ADGRL3: variants seen among roughly 807,000 people sequenced by gnomAD.
ADGRL3 encodes the protein adhesion G protein-coupled receptor L3, also known as calcium-independent alpha-latrotoxin receptor 3.
In ADGRL3, 62 loss-of-function variants were observed where a neutral mutation model predicts 153.5. The observed-to-expected ratio is 0.40, with a 90% CI of 0.33 to 0.50. The LOEUF (loss-of-function observed/expected upper bound fraction) is 0.50. Among genes scored for constraint, ADGRL3 ranks in the 20% least tolerant of loss-of-function variants. The probability of loss-of-function intolerance (pLI) is 0.47; values close to 1 mark genes in which losing one functional copy is unlikely to be tolerated. For missense variants in ADGRL3, 1,641 were observed against 1,859.4 expected (o/e 0.88, Z 2.16); for synonymous variants, 710 against 672.5 (o/e 1.06, Z -0.86).
intron 6 of ADGRL3, 141 bp downstream of exon 6, chr4:61,677,076 T>C (rs2095218670): frequency 1.6e-6 from 1 of 614,136 alleles, no homozygotes; most frequent in Non-Finnish European, 2.9e-6. Flanking sequence ...TTGAGAATCA[T>C]AGACCCTCCC....
chr4:61,214,086 T>A (rs975103039), intron 1 of ADGRL3, among the ~76,000 whole-genome samples: 1 of 152,178 alleles, frequency 6.6e-6, no homozygotes, highest in Admixed American at 6.5e-5. Context: ...ATATGTATAG[T>A]AACTTTTACT....
chr4:61,884,492 T>G (rs548664758), intron 9 of ADGRL3, among the ~76,000 whole-genome samples: 3 of 152,144 alleles, frequency 2.0e-5, no homozygotes, highest in Non-Finnish European at 4.4e-5. Context: ...GAATCAACAG[T>G]TTTTTCCTTA....
At chr4:61,269,791 A>G (rs914792193) in intron 1 of ADGRL3, among the ~76,000 whole-genome samples, 3 of 151,758 alleles carry the variant, frequency 2.0e-5, no homozygotes, top group Non-Finnish European at 4.4e-5. Flanking sequence ...TTAATCTGCT[A>G]GATGATTTAT....
At chr4:62,054,890 T>C (rs1032179318) in intron 25 of ADGRL3, among the ~76,000 whole-genome samples, 1 of 151,600 alleles carries the variant, frequency 6.6e-6, no homozygotes, top group African/African-American at 2.4e-5. Context: ...TTTATAGTAA[T>C]AAGAAATGCA....
intron 24 of ADGRL3, among the ~76,000 whole-genome samples, chr4:62,040,134 G>A (rs953694428): frequency 9.9e-5 from 15 of 151,976 alleles, no homozygotes; most frequent in Admixed American, 3.3e-4. Flanking sequence ...CTGTAAAATG[G>A]TGATAATAAA....
rs373599036 is a variant in ADGRL3 at position 61,656,903 on chromosome 4, T to TA, written c.474-19920dup. Among the ~76,000 whole-genome samples, 4 of 152,326 alleles carry TA rather than the reference T, an allele frequency of 2.6e-5. 1 individual carries two copies. The highest frequency in any genetic ancestry group is 9.6e-5 in the African/African-American group (4 of 41,580). ...CTCTGTTGCTATTTTCTCTCTCTGT[T>TA]AAACTTCTGCTGCATTTCTAAGCTG... On this transcript the variant is annotated intron_variant, in intron 5 of 26. Coordinates refer to ENST00000683033, the MANE Select transcript of ADGRL3 (RefSeq NM_001387552.1).
chr4:62,000,082 A>G (rs1262951733), intron 21 of ADGRL3, among the ~76,000 whole-genome samples: 1 of 151,916 alleles, frequency 6.6e-6, no homozygotes, highest in African/African-American at 2.4e-5. Flanking sequence ...AGCACAAATT[A>G]CATCTTTGTA....
intron 1 of ADGRL3, among the ~76,000 whole-genome samples, chr4:61,347,041 T>G (rs2095930407): frequency 6.6e-6 from 1 of 152,096 alleles, no homozygotes; most frequent in Non-Finnish European, 1.5e-5. Context: ...GTCTGTGCTC[T>G]CACTATTAGA....
At chr4:62,070,055 G>T in intron 26 of ADGRL3, 54 bp from the exon 27 acceptor site, 1 of 1,417,112 alleles carries the variant, frequency 7.1e-7, no homozygotes, top group Non-Finnish European at 9.8e-7. Context: ...GTTTGTGTGT[G>T]TGTTCTATGG....
intron 5 of ADGRL3, among the ~76,000 whole-genome samples, chr4:61,610,733 T>G (rs906341399): frequency 1.3e-5 from 2 of 152,102 alleles, no homozygotes; most frequent in Non-Finnish European, 2.9e-5. Context: ...GGTGGACAGA[T>G]AAAAGAAAAG....
At chr4:61,918,791 A>G (rs1417734403) in intron 13 of ADGRL3, among the ~76,000 whole-genome samples, 5 of 152,230 alleles carry the variant, frequency 3.3e-5, no homozygotes, top group Non-Finnish European at 5.9e-5. Context: ...ACATTATTAC[A>G]TGCAATATCT....
At chr4:61,906,152 GTGTT>G (rs2098694645) in intron 11 of ADGRL3, among the ~76,000 whole-genome samples, 1 of 151,656 alleles carries the variant, frequency 6.6e-6, no homozygotes, top group African/African-American at 2.4e-5. Flanking sequence ...CTTATGTAGT[GTGTT>G]TGTATTTCTC....
At chr4:61,405,773 A>G (rs17090453) in intron 2 of ADGRL3, among the ~76,000 whole-genome samples, 2,346 of 152,074 alleles carry the variant, frequency 0.015, 63 homozygotes, top group African/African-American at 0.054. Context: ...CATGTTTTCC[A>G]CGTGGCCTAA....
chr4:61,872,607 T>C lies in ADGRL3; in HGVS notation c.1481-20049T>C, dbSNP rs539007484. ...CTCCCCCAGGTTTCATTCAGACATT[T>C]ACTTATTCAGTTTCAAGTCAGTTTC... On this transcript the variant is annotated intron_variant, in intron 9 of 26. Coordinates refer to ENST00000683033, the MANE Select transcript of ADGRL3 (RefSeq NM_001387552.1). Among the ~76,000 whole-genome samples the C allele has an allele frequency of 7.3e-5, 11 of 151,614 alleles. 2 individuals are homozygous for C. In the South Asian group the frequency reaches 2.3e-3, roughly 32 times the overall value.
At chr4:62,007,439 T>C (rs113465668) in intron 21 of ADGRL3, among the ~76,000 whole-genome samples, 9,616 of 123,828 alleles carry the variant, frequency 0.078, 480 homozygotes, top group Middle Eastern at 0.11. Flanking sequence ...TATATATATA[T>C]ACACACACAT....
At chr4:61,656,190 C>T (rs1305070735) in intron 5 of ADGRL3, among the ~76,000 whole-genome samples, 1 of 152,112 alleles carries the variant, frequency 6.6e-6, no homozygotes, top group Non-Finnish European at 1.5e-5. Flanking sequence ...TTTATGAATG[C>T]TTCTTAATGC....
chr4:62,070,351 C>G lies in ADGRL3; in HGVS notation c.4075C>G (p.Leu1359Val). ...GCGCTCCAGTGAACAGAACAGGAAT[C>G]TGATGAACAAGCTGGTGAATAACCT... ...HERSSEQNRNLMNKLVNNLGS... is the reference protein window; with the variant it reads ...HERSSEQNRNVMNKLVNNLGS... Residue 1359 changes from leucine to valine, a missense_variant, in exon 27 of 27, where the codon CTG becomes GTG. Physicochemically the swap from Leu to Val is conservative, Grantham distance 32. Around this residue, in one of 5 missense-constraint regions of ADGRL3, gnomAD observed 517 missense variants for 555.0 expected, o/e 0.93. Coordinates refer to ENST00000683033, the MANE Select transcript of ADGRL3 (RefSeq NM_001387552.1). 1 of 1,552,434 alleles carries G rather than the reference C, an allele frequency of 6.4e-7. No homozygotes were observed. The highest frequency in any genetic ancestry group is 1.2e-5 in the South Asian group (1 of 84,126).
intron 6 of ADGRL3, among the ~76,000 whole-genome samples, chr4:61,726,400 T>C (rs1249764449): frequency 6.6e-6 from 1 of 151,966 alleles, no homozygotes; most frequent in African/African-American, 2.4e-5. Context: ...GGTTTCACCG[T>C]GTTGGCCAGG....
At chr4:61,778,068 T>G (rs1241505195) in intron 8 of ADGRL3, among the ~76,000 whole-genome samples, 1 of 152,226 alleles carries the variant, frequency 6.6e-6, no homozygotes, top group Non-Finnish European at 1.5e-5. Context: ...ATTCCATACC[T>G]GACCTCATGT....
Sources: allele counts gnomAD v4.1 joint callset (sites outside exome capture counted in the v4.1 genomes callset), GRCh38; gene constraint gnomAD v4.1.1; regional missense constraint gnomAD v4.1.1; transcripts MANE v1.5; gene names NCBI Gene and HGNC (gene_info 2026-07-23, HGNC 2026-07-21).